The following RABEP1 variants were observed in gnomAD, a reference collection of about 807,000 sequenced individuals.
RABEP1 encodes the protein rab GTPase-binding effector protein 1.
In RABEP1, 51 loss-of-function variants were observed where a neutral mutation model predicts 123.4. That is an observed-to-expected ratio of 0.41 (90% CI 0.33 to 0.52). RABEP1 has a LOEUF of 0.52. Ranked by LOEUF, RABEP1 falls within the 20% of genes least tolerant of loss-of-function variation. RABEP1 has a pLI of 0.16. For synonymous variants in RABEP1, 347 were observed against 355.2 expected, an observed-to-expected ratio of 0.98 and a Z score of 0.26; for missense variants, 888 against 996.3, an observed-to-expected ratio of 0.89 and a Z score of 1.46.
chr17:5,310,387 TCA>T (rs2144527294), intron 2 of RABEP1, among the ~76,000 whole-genome samples: 1 of 146,238 alleles, frequency 6.8e-6, no homozygotes, highest in Non-Finnish European at 1.5e-5. Flanking sequence ...CTATCTCAGC[TCA>T]CTACAACCTC....
intron 1 of RABEP1, among the ~76,000 whole-genome samples, chr17:5,297,899 A>G (rs985209582): frequency 2.6e-5 from 4 of 152,222 alleles, no homozygotes; most frequent in Non-Finnish European, 5.9e-5. Flanking sequence ...TGTTAGCTCA[A>G]TTACACATTT....
Position 5,282,387 on chromosome 17 carries a change from G to A in RABEP1, c.-100G>A. 2.0e-6 allele frequency: 2 copies of A among 977,182 alleles called. No individual in the cohort carries two copies. The highest frequency in any genetic ancestry group is 2.7e-6 in the Non-Finnish European group (2 of 733,592). 60.5% of individuals were successfully genotyped at this position (977,182 alleles called of 1,614,324 possible). On this transcript the variant is annotated 5_prime_UTR_variant, in exon 1 of 18. Transcript: ENST00000537505. ...AGCGGTTTCTCTCTGGGCGGCGGCGGCGGCGGCTCGGTTGACGCCTCCTCC... is the reference window on the plus strand; with the variant it reads ...AGCGGTTTCTCTCTGGGCGGCGGCGACGGCGGCTCGGTTGACGCCTCCTCC...
At chr17:5,346,580 T>C (rs1022559966) in intron 5 of RABEP1, among the ~76,000 whole-genome samples, 2 of 152,226 alleles carry the variant, frequency 1.3e-5, no homozygotes, top group African/African-American at 4.8e-5. Context: ...TATTTTATTC[T>C]GGTGGTGTGA....
intron 9 of RABEP1, 152 bp from the exon 10 acceptor site, chr17:5,362,760 G>A: frequency 1.7e-6 from 1 of 598,850 alleles, no homozygotes; most frequent in South Asian, 2.1e-5. Context: ...TTTAGAATCT[G>A]ACCCTATATT....
chr17:5,327,942 G>C (rs186531052), intron 2 of RABEP1, among the ~76,000 whole-genome samples: 132 of 152,324 alleles, frequency 8.7e-4, no homozygotes, highest in African/African-American at 3.0e-3. Flanking sequence ...ATAGGACAAT[G>C]AGAACGTCTA....
Position 5,374,013 on chromosome 17 carries a change from G to GT in RABEP1, c.2025+560dup, listed in dbSNP as rs555754873. ...CTGGCTGCTTATGACGTTTGTTTTT[G>GT]TATCTAGTACTTGAAAAGTTATAAC... On this transcript the variant is annotated intron_variant, in intron 13 of 17. Transcript: ENST00000537505. Among the ~76,000 whole-genome samples the GT allele has an allele frequency of 9.4e-4, 143 of 152,176 alleles. 3 individuals are homozygous for GT. Among genetic ancestry groups the GT allele is most frequent in the African/African-American group, 3.2e-3 (134 of 41,508 alleles).
At chr17:5,376,083 C>T (rs1055299493) in intron 13 of RABEP1, among the ~76,000 whole-genome samples, 14 of 152,230 alleles carry the variant, frequency 9.2e-5, no homozygotes, top group African/African-American at 2.2e-4. Context: ...TCAAGGAATC[C>T]GCCTTCCTCG....
chr17:5,369,883 A>G (rs529067119), intron 12 of RABEP1, among the ~76,000 whole-genome samples: 13 of 152,208 alleles, frequency 8.5e-5, no homozygotes, highest in Non-Finnish European at 1.8e-4. Flanking sequence ...TATTTTTAGT[A>G]GAGACGGGGT....
At chr17:5,378,522 C>T in intron 15 of RABEP1, 3 of 457,394 alleles carry the variant, frequency 6.6e-6, no homozygotes, top group Non-Finnish European at 1.2e-5. Context: ...ATGTTATATG[C>T]TTAGAGGTAC....
chr17:5,372,166 TG>T (rs1275479478), intron 12 of RABEP1, among the ~76,000 whole-genome samples: 1 of 152,016 alleles, frequency 6.6e-6, no homozygotes, highest in African/African-American at 2.4e-5. Context: ...CTTCTCTGGC[TG>T]GGTGCGGTGG....
At chr17:5,346,730 CT>C in intron 5 of RABEP1, 59 bp from the exon 6 acceptor site, 1 of 1,350,144 alleles carries the variant, frequency 7.4e-7, no homozygotes, top group Non-Finnish European at 9.7e-7. Context: ...TACCATCATT[CT>C]GTATCTAAGA....
chr17:5,367,522 G>A (rs1451971336), intron 11 of RABEP1, among the ~76,000 whole-genome samples: 1 of 151,542 alleles, frequency 6.6e-6, no homozygotes, highest in Non-Finnish European at 1.5e-5. Flanking sequence ...ATCCGCCTCG[G>A]CCTCCCAAAG....
chr17:5,315,306 C>T (rs1417248993), intron 2 of RABEP1, among the ~76,000 whole-genome samples: 4 of 152,040 alleles, frequency 2.6e-5, no homozygotes, highest in Admixed American at 2.0e-4. Flanking sequence ...CCAGTAGAGA[C>T]GATACAGAGG....
At chr17:5,338,241 CTA>C in intron 5 of RABEP1, 103 bp downstream of exon 5, 1 of 1,343,912 alleles carries the variant, frequency 7.4e-7, no homozygotes, top group Non-Finnish European at 1.0e-6. Flanking sequence ...GTAATTTAGA[CTA>C]TGCATCTTAA....
At position 5,299,677 on chromosome 17, in the gene RABEP1, C is replaced by A. The variant is rs530560412; in HGVS notation, c.35-9017C>A. Among the ~76,000 whole-genome samples, 10 of 149,468 alleles carry A rather than the reference C, an allele frequency of 6.7e-5. No individual in the cohort carries two copies. In the South Asian group the frequency reaches 2.1e-3, roughly 32 times the overall value. On this transcript the variant is annotated intron_variant, in intron 1 of 17. Coordinates refer to ENST00000537505, the MANE Select transcript of RABEP1 (RefSeq NM_004703.6). ...TTTGTTTCTCATTTACAGGGCTATTCAAGCTGCTCTCTGCACTCATTTCTT... is the reference window on the plus strand; with the variant it reads ...TTTGTTTCTCATTTACAGGGCTATTAAAGCTGCTCTCTGCACTCATTTCTT...
chr17:5,368,521 T>C, intron 12 of RABEP1, 53 bp downstream of exon 12: 1 of 1,294,366 alleles, frequency 7.7e-7, no homozygotes, highest in Non-Finnish European at 1.1e-6. Context: ...ATTCCTTTTT[T>C]GTTCTATCTT....
chr17:5,302,065 A>T (rs1380849838), intron 1 of RABEP1, among the ~76,000 whole-genome samples: 2 of 151,992 alleles, frequency 1.3e-5, no homozygotes, highest in Non-Finnish European at 2.9e-5. Flanking sequence ...AACTTTGACT[A>T]AGTTTAGTTT....
chr17:5,367,555 C>T (rs1397933921), intron 11 of RABEP1, among the ~76,000 whole-genome samples: 1 of 151,236 alleles, frequency 6.6e-6, no homozygotes, highest in Non-Finnish European at 1.5e-5. Context: ...AGGCGTGAGT[C>T]ACCGTGCCCA....
chr17:5,361,882 G>A, intron 9 of RABEP1: 1 of 542,304 alleles, frequency 1.8e-6, no homozygotes, highest in Non-Finnish European at 3.3e-6. Flanking sequence ...GAGCTAGCTA[G>A]TTAATCACAG....
Sources: gnomAD v4.1 joint callset for allele counts (sites outside exome capture counted in the v4.1 genomes callset) on GRCh38, gnomAD v4.1.1 for gene constraint, MANE v1.5 for transcripts, NCBI Gene and HGNC (gene_info 2026-07-23, HGNC 2026-07-21) for gene names.